Variants in ARHGAP32 observed in about 807,000 individuals in gnomAD.
The protein encoded by ARHGAP32 is Rho GTPase activating protein 32, also known as rho GTPase-activating protein 32.
Under a neutral mutation model 186.5 loss-of-function variants are expected in ARHGAP32, and 51 were observed. The ratio of observed to expected loss-of-function variants is 0.27; its 90% CI spans 0.22 to 0.35. The LOEUF (loss-of-function observed/expected upper bound fraction) is 0.35. ARHGAP32 is among the 10% of genes least tolerant of loss of function. The pLI, the probability that ARHGAP32 is intolerant of heterozygous loss-of-function variation, is 1.00. For missense variants in ARHGAP32, 2,186 were observed against 2,623.5 expected (o/e 0.83, Z 3.64); for synonymous variants, 950 against 964.3 (o/e 0.99, Z 0.27).
intron 6 of ARHGAP32, among the ~76,000 whole-genome samples, chr11:129,076,149 T>A (rs1389365540): frequency 2.6e-5 from 4 of 152,142 alleles, no homozygotes; most frequent in African/African-American, 9.7e-5. Context: ...GTCAAGAAGT[T>A]ACCCTATATG....
intron 10 of ARHGAP32, among the ~76,000 whole-genome samples, chr11:129,049,198 C>T (rs1218770004): frequency 6.6e-6 from 1 of 151,998 alleles, no homozygotes; most frequent in East Asian, 1.9e-4. Context: ...TACACCACTT[C>T]AGGAATTTGC....
At chr11:129,075,428 CAAG>C (rs1446038557) in intron 6 of ARHGAP32, among the ~76,000 whole-genome samples, 4 of 152,016 alleles carry the variant, frequency 2.6e-5, no homozygotes. Flanking sequence ...ATCAATACTC[CAAG>C]AAGACATAAA....
At chr11:129,052,947 G>T (rs1224970340) in intron 10 of ARHGAP32, among the ~76,000 whole-genome samples, 1 of 151,682 alleles carries the variant, frequency 6.6e-6, no homozygotes, top group Non-Finnish European at 1.5e-5. Flanking sequence ...GGGGTATTAG[G>T]GTTTAATAAG....
intron 15 of ARHGAP32, among the ~76,000 whole-genome samples, chr11:128,984,658 T>C (rs935315820): frequency 6.6e-6 from 1 of 152,114 alleles, no homozygotes; most frequent in Non-Finnish European, 1.5e-5. Context: ...GAGATATACA[T>C]GTACATATTA....
chr11:128,973,565 T>A (rs977925538), intron 21 of ARHGAP32, 133 bp from the exon 22 acceptor site: 92 of 935,158 alleles, frequency 9.8e-5, no homozygotes, highest in Non-Finnish European at 1.3e-4. Context: ...ATCCATGATC[T>A]TCTATCCCAC....
chr11:129,171,705 A>C (rs1256398194), intron 1 of ARHGAP32, among the ~76,000 whole-genome samples: 1 of 152,196 alleles, frequency 6.6e-6, no homozygotes, highest in Non-Finnish European at 1.5e-5. Context: ...TAATTCTGTA[A>C]GAATGTCAAT....
At chr11:129,135,551 A>G (rs1388082931) in intron 2 of ARHGAP32, among the ~76,000 whole-genome samples, 2 of 152,166 alleles carry the variant, frequency 1.3e-5, no homozygotes, top group African/African-American at 4.8e-5. Flanking sequence ...GCGGATCAGA[A>G]GGTCAGGAGA....
At chr11:129,119,362 T>C (rs1450339731) in intron 5 of ARHGAP32, among the ~76,000 whole-genome samples, 4 of 152,012 alleles carry the variant, frequency 2.6e-5, no homozygotes, top group Admixed American at 2.0e-4. Flanking sequence ...AACAGGATGG[T>C]TACATAATTT....
At chr11:129,204,349 C>A (rs539475339) in intron 1 of ARHGAP32, among the ~76,000 whole-genome samples, 1 of 151,958 alleles carries the variant, frequency 6.6e-6, no homozygotes, top group Non-Finnish European at 1.5e-5. Flanking sequence ...TAAGTAGACT[C>A]GCCCTCAGTG....
At chr11:129,245,518 GCAGCGCAC>G (rs1347171110) in intron 1 of ARHGAP32, among the ~76,000 whole-genome samples, 5 of 150,280 alleles carry the variant, frequency 3.3e-5, no homozygotes, top group African/African-American at 4.9e-5. Context: ...GTTAGTGGGT[GCAGCGCAC>G]CAGCATGGCA....
At chr11:129,206,607 T>C (rs1032280768) in intron 1 of ARHGAP32, among the ~76,000 whole-genome samples, 9 of 152,274 alleles carry the variant, frequency 5.9e-5, no homozygotes, top group African/African-American at 2.2e-4. Context: ...CTCTTTAAAG[T>C]TTCCCCTTCC....
Position 129,204,350 on chromosome 11 carries a change from G to A in ARHGAP32, c.-4-39923C>T, listed in dbSNP as rs779762908. Among the ~76,000 whole-genome samples, 118 of 152,036 alleles carry A rather than the reference G, an allele frequency of 7.8e-4. 9 individuals carry two copies. The highest frequency in any genetic ancestry group is 4.1e-4 in the South Asian group (2 of 4,820). ...GAAAGCAAATGGTCTAAGTAGACTC[G>A]CCCTCAGTGACAAGTCTGGGGAGAG... On this transcript the variant is annotated intron_variant, in intron 1 of 6. Coordinates refer to the ARHGAP32 transcript ENST00000525234.
At chr11:129,257,980 T>G (rs1945276484) in intron 1 of ARHGAP32, among the ~76,000 whole-genome samples, 1 of 152,306 alleles carries the variant, frequency 6.6e-6, no homozygotes, top group South Asian at 2.1e-4. Context: ...TATTCTTCAG[T>G]CTTCTTTATC....
At chr11:129,126,481 T>C (rs763831492) in intron 2 of ARHGAP32, among the ~76,000 whole-genome samples, 2 of 152,216 alleles carry the variant, frequency 1.3e-5, no homozygotes, top group African/African-American at 4.8e-5. Flanking sequence ...ATCTTTCTAG[T>C]CTGCATTTCA....
chr11:129,192,056 C>A (rs766964376), intron 1 of ARHGAP32, 27 bp downstream of exon 1: 34 of 1,558,472 alleles, frequency 2.2e-5, no homozygotes, highest in Non-Finnish European at 3.0e-5. Context: ...GTGGACAGGA[C>A]AAAGGAACTG....
Position 128,968,599 on chromosome 11 carries a change from C to A in ARHGAP32, c.*308G>T. The A allele has an allele frequency of 4.3e-6, 1 of 231,642 alleles. No homozygotes were observed. Among genetic ancestry groups the A allele is most frequent in the East Asian group, 8.7e-5 (1 of 11,514 alleles). The allele number at this position is 231,642 out of a possible 1,614,324, so 14.3% of individuals were successfully genotyped here. On this transcript the variant is annotated 3_prime_UTR_variant, in exon 23 of 23. Coordinates refer to ENST00000682385, the MANE Select transcript of ARHGAP32 (RefSeq NM_001378024.1). Reference sequence around the variant, plus strand: ...TTCAAATTCAGTTAAAGGCAGTCCTCAGGCTCTTTCAAGCTAGCCCTAGAT... The same window carrying A: ...TTCAAATTCAGTTAAAGGCAGTCCTAAGGCTCTTTCAAGCTAGCCCTAGAT...
intron 2 of ARHGAP32, chr11:129,125,807 TC>T: frequency 2.7e-6 from 1 of 375,952 alleles, no homozygotes; most frequent in Non-Finnish European, 5.2e-6. Context: ...GTTTTTTTTT[TC>T]TTAGCAAATT....
upstream of ARHGAP32, among the ~76,000 whole-genome samples, chr11:129,194,918 C>T (rs1944371751): frequency 7.1e-6 from 1 of 140,780 alleles, no homozygotes; most frequent in Non-Finnish European, 1.5e-5. Flanking sequence ...TTCTAAACAA[C>T]TCTAACTCCT....
intron 6 of ARHGAP32, among the ~76,000 whole-genome samples, chr11:129,088,271 C>T (rs1472551763): frequency 6.6e-6 from 1 of 152,156 alleles, no homozygotes; most frequent in East Asian, 1.9e-4. Flanking sequence ...ATGTAAAGTA[C>T]TTTCATATGT....
Sources: allele counts gnomAD v4.1 joint callset (sites outside exome capture counted in the v4.1 genomes callset), GRCh38; gene constraint gnomAD v4.1.1; transcripts MANE v1.5; gene names NCBI Gene and HGNC (gene_info 2026-07-23, HGNC 2026-07-21).